PKHD1: variants seen among roughly 807,000 people sequenced by gnomAD.
The protein encoded by PKHD1 is fibrocystin.
In PKHD1, 291 loss-of-function variants were observed where a neutral mutation model predicts 412.0. That is an observed-to-expected ratio of 0.71 (90% confidence interval 0.64 to 0.78). The LOEUF (loss-of-function observed/expected upper bound fraction) is 0.78. Ranked by LOEUF, PKHD1 falls within the 30% of genes least tolerant of loss-of-function variation. The pLI, the probability that PKHD1 is intolerant of heterozygous loss-of-function variation, is 0.00. For missense variants in PKHD1, 4,825 were observed against 4,950.7 expected (o/e 0.97, Z 0.76); for synonymous variants, 1,777 against 1,821.5 (o/e 0.98, Z 0.62).
intron 19 of PKHD1, 63 bp from the exon 20 acceptor site, chr6:52,054,228 G>A (rs527534091): frequency 2.5e-5 from 38 of 1,522,478 alleles, no homozygotes; most frequent in Admixed American, 5.0e-5. Flanking sequence ...CAAACAATAC[G>A]TAGTGAGGAG....
intron 62 of PKHD1, among the ~76,000 whole-genome samples, chr6:51,648,702 CGT>C (rs778010137): frequency 2.1e-4 from 32 of 152,240 alleles, no homozygotes; most frequent in Middle Eastern, 6.8e-3. Context: ...TTTTAAAAAA[CGT>C]AAAACTGTAA....
At chr6:51,817,156 T>A (rs76813199) in intron 52 of PKHD1, among the ~76,000 whole-genome samples, 1 of 2,972 alleles carries the variant, frequency 3.4e-4, no homozygotes, top group South Asian at 0.25. Flanking sequence ...TTTTGAGGGG[T>A]TTTTTTTCCC....
At chr6:52,075,621 T>A (rs1412721463) in intron 6 of PKHD1, among the ~76,000 whole-genome samples, 1 of 152,212 alleles carries the variant, frequency 6.6e-6, no homozygotes, top group African/African-American at 2.4e-5. Context: ...TCCTGGCTTT[T>A]AAATATCTGT....
At chr6:52,060,567 G>A (rs1808524496) in intron 14 of PKHD1, among the ~76,000 whole-genome samples, 1 of 152,100 alleles carries the variant, frequency 6.6e-6, no homozygotes, top group African/African-American at 2.4e-5. Flanking sequence ...CTTTGAAGAA[G>A]ATTACAGGCA....
At chr6:51,965,819 C>T (rs753813887) in intron 35 of PKHD1, among the ~76,000 whole-genome samples, 1 of 152,104 alleles carries the variant, frequency 6.6e-6, no homozygotes, top group Non-Finnish European at 1.5e-5. Flanking sequence ...CTCAGTGCTT[C>T]ATATATCTAA....
chr6:51,873,371 G>A (rs543259174), intron 46 of PKHD1, among the ~76,000 whole-genome samples: 197 of 152,294 alleles, frequency 1.3e-3, no homozygotes, highest in Middle Eastern at 6.8e-3. Flanking sequence ...TGGCTAGGGC[G>A]TGCGGAGTGG....
At chr6:51,833,521 C>T (rs960492982) in intron 51 of PKHD1, among the ~76,000 whole-genome samples, 3 of 149,848 alleles carry the variant, frequency 2.0e-5, no homozygotes, top group Non-Finnish European at 3.0e-5. Flanking sequence ...AAGAAGCCTA[C>T]AAGAGTTAAA....
At chr6:51,874,939 T>A (rs1443508497) in intron 46 of PKHD1, among the ~76,000 whole-genome samples, 3 of 79,624 alleles carry the variant, frequency 3.8e-5, no homozygotes, top group African/African-American at 5.4e-5. Context: ...GGCGAGGCAT[T>A]GCCTCACCTG....
At chr6:51,870,418 G>C in intron 47 of PKHD1, 86 bp downstream of exon 47, 2 of 1,103,688 alleles carry the variant, frequency 1.8e-6, no homozygotes, top group Non-Finnish European at 2.8e-6. Context: ...AAGAGATAAT[G>C]ATTCACAAAG....
At chr6:51,781,033 A>G (rs1330889955) in intron 53 of PKHD1, among the ~76,000 whole-genome samples, 3 of 152,172 alleles carry the variant, frequency 2.0e-5, no homozygotes, top group Admixed American at 6.5e-5. Flanking sequence ...AGTGGGTTAA[A>G]TGGTGTTTAC....
At chr6:52,000,568 GGACT>G (rs1583816844) in intron 35 of PKHD1, among the ~76,000 whole-genome samples, 1 of 152,162 alleles carries the variant, frequency 6.6e-6, no homozygotes, top group Non-Finnish European at 1.5e-5. Flanking sequence ...CATTCCAATA[GGACT>G]ACCTTTTGTC....
At position 51,659,238 on chromosome 6, in the gene PKHD1, G is replaced by A. The variant is rs145219220; in HGVS notation, c.10888C>T (p.His3630Tyr). The change falls in exon 61 of 67, where the codon CAT becomes TAT. Residue 3630 changes from histidine (H) to tyrosine (Y), a missense_variant. His to Tyr is a moderately conservative substitution (Grantham distance 83). Coordinates refer to ENST00000371117, the MANE Select transcript of PKHD1 (RefSeq NM_138694.4). ...RNCPTVTCTS[H>Y]YRRVGQRRPL... is the part of the protein sequence containing the mutation. ...CTACGTTGACCAACTCTTCTATAAT[G>A]ACTAGTGCAAGTCACAGTAGGGCAA... 36 of 1,613,806 alleles carry A rather than the reference G, an allele frequency of 2.2e-5. No individual in the cohort carries two copies. The African/African-American group carries it at 4.3e-4, about 19-fold the overall frequency.
At chr6:52,055,751 T>C (rs1285719071) in intron 18 of PKHD1, 22 bp from the exon 19 acceptor site, 4 of 1,612,922 alleles carry the variant, frequency 2.5e-6, no homozygotes, top group Non-Finnish European at 3.4e-6. Flanking sequence ...TCAGATAAAA[T>C]AGAAAGGCAG....
intron 60 of PKHD1, chr6:51,720,749 ATATGTGTGTGTGTG>A (rs1166955587): frequency 9.7e-6 from 1 of 102,948 alleles, no homozygotes; most frequent in African/African-American, 3.4e-5. Flanking sequence ...GTGTGTATGT[ATATGTGTGTGTGTG>A]TGTGTGTGTG....
intron 61 of PKHD1, among the ~76,000 whole-genome samples, chr6:51,655,897 A>G (rs1020224677): frequency 6.6e-6 from 1 of 152,194 alleles, no homozygotes; most frequent in Non-Finnish European, 1.5e-5. Context: ...GTGGGAGTGT[A>G]AATTAGTTCA....
In PKHD1 at chr6:51,739,238, A is replaced by G. The variant is rs1268880784; in HGVS notation, c.10156+5147T>C. 3.3e-5 allele frequency among the ~76,000 whole-genome samples: 5 copies of G among 150,960 alleles called. No homozygotes were observed. The East Asian group carries it at 9.7e-4, about 29-fold the overall frequency. ...TACATGTATTATATATATAATATATATAATTGTTTTAGAGACAGGTCTCAC... is the reference window on the plus strand; with the variant it reads ...TACATGTATTATATATATAATATATGTAATTGTTTTAGAGACAGGTCTCAC... On this transcript the variant is annotated intron_variant, in intron 60 of 66. Transcript: ENST00000371117.
Position 51,887,135 on chromosome 6 carries a change from G to T in PKHD1, c.7107C>A (p.Thr2369=). 1.3e-6 allele frequency: 2 copies of T among 1,585,866 alleles called. No homozygotes were observed. Among genetic ancestry groups the T allele is most frequent in the Non-Finnish European group, 1.7e-6 (2 of 1,154,312 alleles). ...TAGATGAATTTCCCCAAAGTTACCT[G>T]GTACAAGAATGTGCAATGTTCTGAG... is the stretch of plus-strand genomic sequence containing the variant. The part of the protein sequence containing the change: ...SFTQNIAHSC[T]RYGLFVYPKF... Residue 2369 remains threonine, a splice_region_variant and synonymous_variant, in exon 44 of 67, where the codon ACC becomes ACA. Coordinates refer to ENST00000371117, the MANE Select transcript of PKHD1 (RefSeq NM_138694.4).
chr6:51,862,993 T>A (rs149511776), intron 48 of PKHD1, among the ~76,000 whole-genome samples: 1 of 152,338 alleles, frequency 6.6e-6, no homozygotes, highest in African/African-American at 2.4e-5. Flanking sequence ...ATTAGTATTA[T>A]GCCTATGCGT....
chr6:51,908,522 T>A (rs1237309679), intron 40 of PKHD1, among the ~76,000 whole-genome samples: 1 of 152,174 alleles, frequency 6.6e-6, no homozygotes, highest in Non-Finnish European at 1.5e-5. Context: ...ACTTGGCATC[T>A]GCACCCCCAT....
Sources: gnomAD v4.1 joint callset for allele counts (sites outside exome capture counted in the v4.1 genomes callset) on GRCh38, gnomAD v4.1.1 for gene constraint, MANE v1.5 for transcripts, NCBI Gene and HGNC (gene_info 2026-07-23, HGNC 2026-07-21) for gene names.